The following RALYL variants were observed in gnomAD, a reference collection of about 807,000 sequenced individuals.
The protein encoded by RALYL is RALY RNA binding protein like.
RALYL carries 29 observed loss-of-function variants against 35.1 expected under a neutral mutation model. The ratio of observed to expected loss-of-function variants is 0.83; its 90% CI spans 0.61 to 1.13. The LOEUF is 1.13. Ranked by LOEUF, RALYL falls within the 50% of genes most tolerant of loss-of-function variation. The pLI is 0.00. For missense variants in RALYL, 359 were observed against 360.4 expected (o/e 1.00, Z 0.03); for synonymous variants, 120 against 127.6 (o/e 0.94, Z 0.40).
chr8:84,385,198 G>A (rs1036329104), intron 1 of RALYL, among the ~76,000 whole-genome samples: 4 of 151,710 alleles, frequency 2.6e-5, no homozygotes, highest in Admixed American at 1.3e-4. Context: ...GGAAAAAATA[G>A]CAAATCTGTT....
intron 2 of RALYL, among the ~76,000 whole-genome samples, chr8:84,606,504 G>A (rs565285971): frequency 6.6e-6 from 1 of 152,250 alleles, no homozygotes; most frequent in African/African-American, 2.4e-5. Context: ...GAACCATTCT[G>A]TGAAAACAGA....
intron 2 of RALYL, among the ~76,000 whole-genome samples, chr8:84,745,495 G>T (rs183122778): frequency 1.1e-3 from 169 of 152,060 alleles, no homozygotes; most frequent in African/African-American, 3.9e-3. Context: ...AGAAGTGATT[G>T]TATTGTGTAA....
intron 1 of RALYL, among the ~76,000 whole-genome samples, chr8:84,252,209 T>C (rs1830327253): frequency 6.6e-6 from 1 of 152,140 alleles, no homozygotes; most frequent in Non-Finnish European, 1.5e-5. Context: ...ATTTTCACTG[T>C]TTTCAACATA....
At chr8:84,527,931 C>G (rs711052) in intron 1 of RALYL, among the ~76,000 whole-genome samples, 1 of 151,798 alleles carries the variant, frequency 6.6e-6, no homozygotes, top group Non-Finnish European at 1.5e-5. Context: ...TTAAAAATCC[C>G]AGATGTAATA....
intron 1 of RALYL, among the ~76,000 whole-genome samples, chr8:84,312,407 C>G (rs1842978779): frequency 6.6e-6 from 1 of 152,198 alleles, no homozygotes; most frequent in South Asian, 2.1e-4. Context: ...AACATCTTAA[C>G]TCATTCCAGC....
intron 4 of RALYL, among the ~76,000 whole-genome samples, chr8:84,828,050 CCA>C (rs1375012774): frequency 1.3e-5 from 2 of 151,912 alleles, no homozygotes; most frequent in African/African-American, 4.8e-5. Flanking sequence ...GGTTGTTTGT[CCA>C]TAATAGGATC....
intron 1 of RALYL, among the ~76,000 whole-genome samples, chr8:84,500,585 G>C (rs1361303050): frequency 6.6e-6 from 1 of 152,054 alleles, no homozygotes; most frequent in African/African-American, 2.4e-5. Flanking sequence ...TACTAATTTG[G>C]AAGTTAATAT....
intron 1 of RALYL, among the ~76,000 whole-genome samples, chr8:84,382,620 T>C (rs912219251): frequency 6.6e-6 from 1 of 151,782 alleles, no homozygotes; most frequent in African/African-American, 2.4e-5. Flanking sequence ...AATTAAATGA[T>C]GTTAGCCCTA....
chr8:84,734,724 GA>G (rs1303482516), intron 2 of RALYL, among the ~76,000 whole-genome samples: 6 of 151,556 alleles, frequency 4.0e-5, no homozygotes, highest in East Asian at 1.9e-4. Context: ...TATGAAATAG[GA>G]AAAAAAATCT....
chr8:84,322,152 A>G (rs1844976099), intron 1 of RALYL, among the ~76,000 whole-genome samples: 1 of 152,098 alleles, frequency 6.6e-6, no homozygotes, highest in Admixed American at 6.6e-5. Context: ...ATTGACCCAA[A>G]TAGCAGTATA....
intron 1 of RALYL, among the ~76,000 whole-genome samples, chr8:84,196,694 A>C (rs897546076): frequency 6.6e-6 from 1 of 152,174 alleles, no homozygotes; most frequent in African/African-American, 2.4e-5. Context: ...TCATGTTTTC[A>C]AACTCCTTTT....
At chr8:84,522,079 T>A (rs1480389082) in intron 1 of RALYL, among the ~76,000 whole-genome samples, 4 of 152,224 alleles carry the variant, frequency 2.6e-5, no homozygotes, top group African/African-American at 9.6e-5. Flanking sequence ...GCCTAATTTT[T>A]AAAATATTTC....
chr8:84,596,267 C>T (rs1383432057), intron 2 of RALYL, among the ~76,000 whole-genome samples: 1 of 152,046 alleles, frequency 6.6e-6, no homozygotes, highest in Non-Finnish European at 1.5e-5. Context: ...GCTTTGTATT[C>T]CCATCACTAT....
intron 1 of RALYL, among the ~76,000 whole-genome samples, chr8:84,428,700 A>C (rs1285047914): frequency 2.6e-5 from 4 of 152,286 alleles, no homozygotes; most frequent in African/African-American, 9.6e-5. Context: ...AGATACACAG[A>C]GACACATACA....
At chr8:84,665,365 A>C (rs182506681) in intron 2 of RALYL, among the ~76,000 whole-genome samples, 1 of 151,840 alleles carries the variant, frequency 6.6e-6, no homozygotes. Flanking sequence ...CCTCCTTTTC[A>C]ATTTTTTGGA....
chr8:84,208,482 G>T (rs16912522), intron 1 of RALYL, among the ~76,000 whole-genome samples: 38,916 of 151,910 alleles, frequency 0.26, 5,144 homozygotes, highest in Non-Finnish European at 0.28. Flanking sequence ...CCTACTGTTA[G>T]GTCTGTGATG....
intron 1 of RALYL, among the ~76,000 whole-genome samples, chr8:84,439,402 T>C (rs1000652659): frequency 2.0e-5 from 3 of 152,144 alleles, no homozygotes; most frequent in Non-Finnish European, 2.9e-5. Context: ...ACAGGGGATG[T>C]GTTTAGAGGT....
intron 1 of RALYL, among the ~76,000 whole-genome samples, chr8:84,331,864 A>T (rs1846880081): frequency 6.6e-6 from 1 of 152,180 alleles, no homozygotes; most frequent in African/African-American, 2.4e-5. Flanking sequence ...GATGGTTCAG[A>T]GTAAATATTG....
intron 1 of RALYL, among the ~76,000 whole-genome samples, chr8:84,355,956 G>A (rs1216008329): frequency 2.7e-5 from 4 of 150,006 alleles, no homozygotes; most frequent in Non-Finnish European, 4.4e-5. Flanking sequence ...ATTGGATCAT[G>A]GGGGTGGATT....
Sources: gnomAD v4.1 joint callset for allele counts (sites outside exome capture counted in the v4.1 genomes callset) on GRCh38, gnomAD v4.1.1 for gene constraint, MANE v1.5 for transcripts, NCBI Gene and HGNC (gene_info 2026-07-23, HGNC 2026-07-21) for gene names.